The following IL15 variants were observed in gnomAD, a reference collection of about 807,000 sequenced individuals.
The protein encoded by IL15 is interleukin-15.
In IL15, 11 loss-of-function variants were observed where a neutral mutation model predicts 19.6. That is an observed-to-expected ratio of 0.56 (90% confidence interval 0.35 to 0.93). The LOEUF (loss-of-function observed/expected upper bound fraction) is 0.93, where lower values mean the gene tolerates loss of function less well. Among genes scored for constraint, IL15 ranks in the 40% least tolerant of loss-of-function variants. The probability of loss-of-function intolerance (pLI) is 0.01; values close to 1 mark genes in which losing one functional copy is unlikely to be tolerated. For synonymous variants in IL15, 58 were observed against 59.6 expected, an observed-to-expected ratio of 0.97 and a Z score of 0.12; for missense variants, 197 against 186.5, an observed-to-expected ratio of 1.06 and a Z score of -0.33.
At chr4:141,727,462 G>T (rs186911033) in intron 5 of IL15, among the ~76,000 whole-genome samples, 86 of 152,254 alleles carry the variant, frequency 5.6e-4, no homozygotes, top group African/African-American at 2.0e-3. Context: ...AGAAGTGGTT[G>T]CCAGAATTTA....
At chr4:141,709,934 C>A (rs950703636) in intron 2 of IL15, among the ~76,000 whole-genome samples, 9 of 152,128 alleles carry the variant, frequency 5.9e-5, no homozygotes, top group African/African-American at 1.2e-4. Context: ...ACCCTCCCCC[C>A]ACACTAACTC....
chr4:141,695,652 A>G (rs531722859), intron 2 of IL15, among the ~76,000 whole-genome samples: 6 of 152,206 alleles, frequency 3.9e-5, no homozygotes, highest in Admixed American at 2.6e-4. Flanking sequence ...AGGAACCTCT[A>G]TACTGTTTTC....
chr4:141,700,360 C>A (rs1194071058), intron 2 of IL15, among the ~76,000 whole-genome samples: 10 of 152,116 alleles, frequency 6.6e-5, no homozygotes, highest in Non-Finnish European at 1.2e-4. Context: ...AAAATACTTT[C>A]CCTCTCCTTC....
At chr4:141,712,907 C>T (rs1295973454) in intron 2 of IL15, among the ~76,000 whole-genome samples, 2 of 151,644 alleles carry the variant, frequency 1.3e-5, no homozygotes, top group Non-Finnish European at 2.9e-5. Flanking sequence ...TATTTATATA[C>T]CTTTGTATGA....
intron 2 of IL15, among the ~76,000 whole-genome samples, chr4:141,695,041 A>T (rs13139573): frequency 0.48 from 73,595 of 151,974 alleles, 17,871 homozygotes; most frequent in South Asian, 0.59. Flanking sequence ...ATGCTTGTCC[A>T]CACAAATAGT....
intron 2 of IL15, among the ~76,000 whole-genome samples, chr4:141,710,674 T>A (rs1729688127): frequency 6.6e-6 from 1 of 152,140 alleles, no homozygotes; most frequent in South Asian, 2.1e-4. Flanking sequence ...TTTTCTTCTC[T>A]CTTTCTGCCT....
intron 2 of IL15, among the ~76,000 whole-genome samples, chr4:141,658,228 T>C (rs1727672797): frequency 6.6e-6 from 1 of 152,344 alleles, no homozygotes; most frequent in Non-Finnish European, 1.5e-5. Flanking sequence ...ACATGCCTGC[T>C]TCCACTTCAT....
At chr4:141,694,797 G>A (rs60799763) in intron 2 of IL15, among the ~76,000 whole-genome samples, 4,274 of 152,190 alleles carry the variant, frequency 0.028, 199 homozygotes, top group African/African-American at 0.097. Context: ...AAAAACTCTG[G>A]ACTTTTCCCA....
chr4:141,647,419 A>C (rs151040389), intron 1 of IL15, among the ~76,000 whole-genome samples: 24 of 152,150 alleles, frequency 1.6e-4, no homozygotes, highest in African/African-American at 5.1e-4. Flanking sequence ...TGGATAAGCT[A>C]TTTGTACAAG....
chr4:141,678,384 T>C (rs77428443), intron 2 of IL15, among the ~76,000 whole-genome samples: 3,645 of 152,124 alleles, frequency 0.024, 152 homozygotes, highest in African/African-American at 0.082. Flanking sequence ...GTAGTCATAT[T>C]TTTTTTTCTG....
chr4:141,706,400 G>A (rs1729515433), intron 2 of IL15, among the ~76,000 whole-genome samples: 1 of 151,874 alleles, frequency 6.6e-6, no homozygotes, highest in South Asian at 2.1e-4. Flanking sequence ...TGTAGCTGTT[G>A]TAATTTTTGA....
chr4:141,711,650 A>T (rs1257121782), intron 2 of IL15, among the ~76,000 whole-genome samples: 1 of 152,130 alleles, frequency 6.6e-6, no homozygotes, highest in Non-Finnish European at 1.5e-5. Flanking sequence ...ATGTACTTTA[A>T]TGAATTGCCA....
intron 2 of IL15, among the ~76,000 whole-genome samples, chr4:141,672,022 T>C (rs1302911222): frequency 6.6e-6 from 1 of 152,210 alleles, no homozygotes; most frequent in East Asian, 1.9e-4. Flanking sequence ...CTAACAGTTG[T>C]ACTTATTTTG....
intron 2 of IL15, among the ~76,000 whole-genome samples, chr4:141,661,359 T>C (rs1263848493): frequency 6.6e-6 from 1 of 152,172 alleles, no homozygotes; most frequent in African/African-American, 2.4e-5. Context: ...AAAGATGTTT[T>C]TGTTCCCATA....
intron 2 of IL15, among the ~76,000 whole-genome samples, chr4:141,697,593 CT>C (rs1729143154): frequency 6.6e-6 from 1 of 152,010 alleles, no homozygotes. Context: ...GACCAGATTG[CT>C]TTTGGCAATA....
In IL15 at chr4:141,656,231, C is replaced by T. The variant is rs1280288079; in HGVS notation, c.-176C>T. 1 of 398,184 alleles carries T rather than the reference C, an allele frequency of 2.5e-6. No individual in the cohort carries two copies. The highest frequency in any genetic ancestry group is 4.4e-6 in the Non-Finnish European group (1 of 225,954). The allele number at this position is 398,184 out of a possible 1,614,324, so 24.7% of individuals were successfully genotyped here. On this transcript the variant is annotated 5_prime_UTR_variant, in exon 2 of 8. Coordinates refer to ENST00000320650, the MANE Select transcript of IL15 (RefSeq NM_000585.5). The stretch of plus-strand genomic sequence containing the variant: ...CATGTGGCTCTTTGGAGCAATGTTC[C>T]ATCATGTTCCATGCTGCTGACGTCA...
chr4:141,707,446 C>A (rs987068715), intron 2 of IL15, among the ~76,000 whole-genome samples: 1 of 152,026 alleles, frequency 6.6e-6, no homozygotes, highest in African/African-American at 2.4e-5. Context: ...TTGGGGGTAT[C>A]ATGTTTTCTT....
rs189557012 is a variant in IL15 at position 141,729,211 on chromosome 4, A to G, written c.241-636A>G. Among the ~76,000 whole-genome samples, 19 of 152,250 alleles carry G rather than the reference A, an allele frequency of 1.2e-4. No individual in the cohort carries two copies. In the East Asian group the frequency reaches 3.7e-3, roughly 29 times the overall value. On this transcript the variant is annotated intron_variant, in intron 6 of 7. Coordinates refer to ENST00000320650, the MANE Select transcript of IL15 (RefSeq NM_000585.5). ...CTCCCAGGTACTGTGCAAGGTATCGAGGACACAAAGTCAAATAATGGTCAA... is the reference window on the plus strand; with the variant it reads ...CTCCCAGGTACTGTGCAAGGTATCGGGGACACAAAGTCAAATAATGGTCAA...
chr4:141,673,511 T>A (rs1382448606), intron 2 of IL15, among the ~76,000 whole-genome samples: 1 of 152,216 alleles, frequency 6.6e-6, no homozygotes, highest in African/African-American at 2.4e-5. Context: ...TGACTATATC[T>A]TTCTGCTTCT....
Sources: allele counts gnomAD v4.1 joint callset (sites outside exome capture counted in the v4.1 genomes callset), GRCh38; gene constraint gnomAD v4.1.1; transcripts MANE v1.5; gene names NCBI Gene and HGNC (gene_info 2026-07-23, HGNC 2026-07-21).